CALD1: variants seen among roughly 807,000 people sequenced by gnomAD.
CALD1 encodes caldesmon.
In CALD1, 33 loss-of-function variants were observed where a neutral mutation model predicts 99.9. The observed-to-expected ratio is 0.33, with a 90% confidence interval of 0.25 to 0.44. The LOEUF (loss-of-function observed/expected upper bound fraction) is 0.44. CALD1 is among the 20% of genes least tolerant of loss of function. The pLI, the probability that CALD1 is intolerant of heterozygous loss-of-function variation, is 1.00. For synonymous variants in CALD1, 310 were observed against 325.0 expected (o/e 0.95, Z 0.50); for missense variants, 861 against 962.1 (o/e 0.89, Z 1.39).
Position 134,950,531 on chromosome 7 carries a change from A to T in CALD1, c.1935+17A>T. The T allele has an allele frequency of 6.2e-7, 1 of 1,607,892 alleles. No individual in the cohort carries two copies. On this transcript the variant is annotated intron_variant, in intron 9 of 14. Coordinates refer to ENST00000361675, the MANE Select transcript of CALD1 (RefSeq NM_033138.4). Reference sequence around the variant, plus strand: ...TCTCTCAAGGTATTTTTTTCCCCAGAAAACTTCTATTAGAATATGATAGAG... The same window carrying T: ...TCTCTCAAGGTATTTTTTTCCCCAGTAAACTTCTATTAGAATATGATAGAG...
intron 1 of CALD1, among the ~76,000 whole-genome samples, chr7:134,785,689 A>G (rs1352932890): frequency 6.6e-6 from 1 of 152,210 alleles, no homozygotes; most frequent in Non-Finnish European, 1.5e-5. Context: ...ATGGATACAT[A>G]TGCATTCTAG....
At chr7:134,766,012 C>T (rs909474123) in intron 1 of CALD1, among the ~76,000 whole-genome samples, 1 of 152,064 alleles carries the variant, frequency 6.6e-6, no homozygotes, top group Non-Finnish European at 1.5e-5. Flanking sequence ...ATGTGAAGCA[C>T]CTGCTCCTGC....
intron 3 of CALD1, among the ~76,000 whole-genome samples, chr7:134,873,809 G>A (rs1801217542): frequency 6.6e-6 from 1 of 152,134 alleles, no homozygotes; most frequent in Non-Finnish European, 1.5e-5. Context: ...ACCTCACTGG[G>A]TTTTTGTGGG....
At chr7:134,841,141 T>C (rs543111027) in intron 1 of CALD1, among the ~76,000 whole-genome samples, 10 of 152,314 alleles carry the variant, frequency 6.6e-5, no homozygotes, top group South Asian at 6.2e-4. Context: ...AATTGAGTAC[T>C]GTGGCAAATC....
chr7:134,761,232 C>G (rs1201106690), intron 1 of CALD1, among the ~76,000 whole-genome samples: 1 of 152,166 alleles, frequency 6.6e-6, no homozygotes, highest in African/African-American at 2.4e-5. Flanking sequence ...TAACCCCAAC[C>G]CCCTGCTCCA....
intron 1 of CALD1, among the ~76,000 whole-genome samples, chr7:134,840,892 A>G (rs943611481): frequency 1.3e-5 from 2 of 152,128 alleles, no homozygotes; most frequent in African/African-American, 4.8e-5. Context: ...TAAATAATAG[A>G]TATTATTATG....
chr7:134,861,065 T>A (rs569251213), intron 2 of CALD1, among the ~76,000 whole-genome samples: 1 of 152,178 alleles, frequency 6.6e-6, no homozygotes, highest in Non-Finnish European at 1.5e-5. Flanking sequence ...CTCAACACAT[T>A]TATGTCTGGG....
chr7:134,797,174 G>A (rs1343399082), intron 1 of CALD1, among the ~76,000 whole-genome samples: 2 of 152,028 alleles, frequency 1.3e-5, no homozygotes, highest in Admixed American at 6.6e-5. Flanking sequence ...TTGTAGAGAC[G>A]AGGTTTCATT....
chr7:134,888,842 T>G (rs1802005662), intron 3 of CALD1, among the ~76,000 whole-genome samples: 3 of 152,270 alleles, frequency 2.0e-5, no homozygotes, highest in East Asian at 3.9e-4. Flanking sequence ...TTTTGGCAAT[T>G]AGGGAAATAG....
chr7:134,740,839 A>T (rs2131532200), upstream of CALD1, among the ~76,000 whole-genome samples: 1 of 152,392 alleles, frequency 6.6e-6, no homozygotes, highest in South Asian at 2.1e-4. Flanking sequence ...AAGGGATAAT[A>T]ATAGCAATAC....
intron 4 of CALD1, among the ~76,000 whole-genome samples, chr7:134,930,817 A>C (rs1378713784): frequency 6.6e-6 from 1 of 152,222 alleles, no homozygotes; most frequent in Non-Finnish European, 1.5e-5. Flanking sequence ...GCACTCAATA[A>C]ATTTTCACTG....
chr7:134,899,306 C>T (rs1298476217), intron 3 of CALD1, among the ~76,000 whole-genome samples: 2 of 151,624 alleles, frequency 1.3e-5, no homozygotes, highest in East Asian at 1.9e-4. Flanking sequence ...CAGGTTCAAG[C>T]GATTCTCCTG....
intron 3 of CALD1, among the ~76,000 whole-genome samples, chr7:134,881,502 C>A (rs1204314059): frequency 2.0e-5 from 3 of 147,326 alleles, no homozygotes; most frequent in Admixed American, 1.4e-4. Flanking sequence ...GAAAATTAAG[C>A]AAGATACAGA....
At chr7:134,914,676 T>C (rs1804073971) in intron 3 of CALD1, among the ~76,000 whole-genome samples, 1 of 151,262 alleles carries the variant, frequency 6.6e-6, no homozygotes, top group Non-Finnish European at 1.5e-5. Flanking sequence ...ATAACCATAT[T>C]TCCCGATTCT....
At chr7:134,739,134 G>T in the CALD1 span, among the ~76,000 whole-genome samples, 1 of 152,174 alleles carries the variant, frequency 6.6e-6, no homozygotes, top group Non-Finnish European at 1.5e-5. Flanking sequence ...GCTTTACTTT[G>T]AATGGTTTTT....
chr7:134,783,321 C>A lies in CALD1; in HGVS notation c.-130+3572C>A, dbSNP rs1562998613. Among the ~76,000 whole-genome samples the A allele has an allele frequency of 2.0e-5, 3 of 152,166 alleles. No individual in the cohort carries two copies. Among genetic ancestry groups the A allele is most frequent in the Admixed American group, 6.5e-5 (1 of 15,268 alleles). On this transcript the variant is annotated intron_variant, in intron 1 of 14. Transcript: ENST00000361675. The surrounding 1 kb of genome is among the most constrained non-coding windows in gnomAD (Gnocchi z 4.3). ...TCCACCTGTAACCTCTTCCCCAGCTCCCCCATCCCTGTACCGGATAGGGAG... is the reference window on the plus strand; with the variant it reads ...TCCACCTGTAACCTCTTCCCCAGCTACCCCATCCCTGTACCGGATAGGGAG...
At chr7:134,907,846 G>A (rs2132669414) in intron 3 of CALD1, among the ~76,000 whole-genome samples, 1 of 152,236 alleles carries the variant, frequency 6.6e-6, no homozygotes, top group East Asian at 1.9e-4. Context: ...CGCTGCCAGT[G>A]TCCTAATAAG....
chr7:134,820,923 G>A (rs1198550572), intron 1 of CALD1, among the ~76,000 whole-genome samples: 2 of 152,024 alleles, frequency 1.3e-5, no homozygotes, highest in African/African-American at 4.8e-5. Context: ...AATTTTAATG[G>A]TAACATGAAA....
Position 134,884,253 on chromosome 7 carries a change from A to C in CALD1, c.71+16449A>C, listed in dbSNP as rs575427499. On this transcript the variant is annotated intron_variant, in intron 3 of 14. Transcript: ENST00000361675. ...TTGAGTTTCAGGGTGGTGACATGAG[A>C]TTTATGGCTTGAATCTCACAGAGTT... is the stretch of plus-strand genomic sequence containing the variant. 4.6e-5 allele frequency among the ~76,000 whole-genome samples: 7 copies of C among 152,252 alleles called. No homozygotes were observed. In the East Asian group the frequency reaches 1.2e-3, roughly 25 times the overall value.
Sources: allele counts gnomAD v4.1 joint callset (sites outside exome capture counted in the v4.1 genomes callset), GRCh38; gene constraint gnomAD v4.1.1; non-coding constraint Gnocchi (gnomAD v3.1); transcripts MANE v1.5; gene names NCBI Gene and HGNC (gene_info 2026-07-23, HGNC 2026-07-21).